EFCAB6: variants seen among roughly 807,000 people sequenced by gnomAD.
The protein encoded by EFCAB6 is EF-hand calcium binding domain 6.
Under a neutral mutation model 169.8 loss-of-function variants are expected in EFCAB6, and 156 were observed. The observed-to-expected ratio is 0.92, with a 90% CI of 0.81 to 1.05. The LOEUF (loss-of-function observed/expected upper bound fraction) is 1.05. Among genes scored for constraint, EFCAB6 ranks in the 50% least tolerant of loss-of-function variants. The pLI, the probability that EFCAB6 is intolerant of heterozygous loss-of-function variation, is 0.00. For synonymous variants in EFCAB6, 698 were observed against 676.4 expected (o/e 1.03, Z -0.50); for missense variants, 1,800 against 1,829.1 (o/e 0.98, Z 0.29).
At chr22:43,571,706 C>T (rs1569177088) in intron 26 of EFCAB6, among the ~76,000 whole-genome samples, 1 of 152,198 alleles carries the variant, frequency 6.6e-6, no homozygotes, top group Non-Finnish European at 1.5e-5. Flanking sequence ...CCCAAGTGGT[C>T]TGTCTCTGCC....
chr22:43,671,677 C>T (rs1430515881), intron 15 of EFCAB6, among the ~76,000 whole-genome samples: 1 of 152,156 alleles, frequency 6.6e-6, no homozygotes, highest in African/African-American at 2.4e-5. Context: ...GAACTCAGGC[C>T]TCACAACTCA....
Position 43,667,155 on chromosome 22 carries a change from A to G in EFCAB6, c.1932T>C (p.Leu644=), listed in dbSNP as rs752436128. The change falls in exon 17 of 32, where the codon CTT becomes CTC. Residue 644 remains leucine, a synonymous_variant. Transcript: ENST00000262726. The part of the protein sequence containing the change: ...QQDPAFKKRF[L]DFSKEPNGKI... Reference sequence around the variant, plus strand: ...TTCCATTAGGCTCCTTGCTGAAGTCAAGAAATCGTTTTTTGAATGCCGGGT... The same window carrying G: ...TTCCATTAGGCTCCTTGCTGAAGTCGAGAAATCGTTTTTTGAATGCCGGGT... 12 of 1,614,114 alleles carry G rather than the reference A, an allele frequency of 7.4e-6. No individual in the cohort carries two copies. The East Asian group carries it at 2.7e-4, about 36-fold the overall frequency.
At chr22:43,625,532 T>C (rs1480236706) in intron 20 of EFCAB6, among the ~76,000 whole-genome samples, 1 of 152,162 alleles carries the variant, frequency 6.6e-6, no homozygotes, top group Non-Finnish European at 1.5e-5. Flanking sequence ...GGTAGCCCCA[T>C]TGTGCCTTCA....
intron 4 of EFCAB6, among the ~76,000 whole-genome samples, chr22:43,768,689 C>T (rs2061387472): frequency 6.6e-6 from 1 of 152,186 alleles, no homozygotes; most frequent in African/African-American, 2.4e-5. Flanking sequence ...CTTTGAAGTT[C>T]TACAGTTCTC....
chr22:43,735,488 G>A (rs1306409647), intron 7 of EFCAB6, among the ~76,000 whole-genome samples: 7 of 150,014 alleles, frequency 4.7e-5, no homozygotes, highest in Non-Finnish European at 7.4e-5. Flanking sequence ...CTAACCCCAG[G>A]CTTTGAGTAA....
At chr22:43,803,139 G>C (rs564050193) in intron 2 of EFCAB6, among the ~76,000 whole-genome samples, 1 of 151,980 alleles carries the variant, frequency 6.6e-6, no homozygotes, top group Non-Finnish European at 1.5e-5. Flanking sequence ...CCCTTAAACC[G>C]AGATACCTGT....
intron 7 of EFCAB6, among the ~76,000 whole-genome samples, chr22:43,733,670 G>A (rs1183959002): frequency 6.6e-6 from 1 of 152,148 alleles, no homozygotes; most frequent in Non-Finnish European, 1.5e-5. Context: ...TTTACATTTT[G>A]TTGAGTCTTC....
At chr22:43,674,673 G>C (rs914098952) in intron 13 of EFCAB6, among the ~76,000 whole-genome samples, 1 of 152,184 alleles carries the variant, frequency 6.6e-6, no homozygotes, top group African/African-American at 2.4e-5. Context: ...TTGCTTACGT[G>C]TCTACGTTTT....
chr22:43,611,071 T>C (rs1252235824), intron 21 of EFCAB6, among the ~76,000 whole-genome samples: 1 of 152,144 alleles, frequency 6.6e-6, no homozygotes. Context: ...GAGACCAGTA[T>C]TGCCCTAATA....
chr22:43,579,627 CAAGCATCATTCCATACATAT>C (rs1327340339), intron 25 of EFCAB6, among the ~76,000 whole-genome samples: 4 of 150,610 alleles, frequency 2.7e-5, no homozygotes, highest in African/African-American at 9.8e-5. Context: ...TCCCTACATG[CAAGCATCATTCCATACATAT>C]AGGCATCATT....
At chr22:43,569,436 C>T (rs1004358258) in intron 26 of EFCAB6, among the ~76,000 whole-genome samples, 3 of 152,324 alleles carry the variant, frequency 2.0e-5, no homozygotes, top group Admixed American at 6.5e-5. Flanking sequence ...CACAGATGCT[C>T]TACAGGAAGC....
chr22:43,632,051 G>A (rs2054985559), intron 19 of EFCAB6, 54 bp downstream of exon 19: 1 of 1,597,010 alleles, frequency 6.3e-7, no homozygotes, highest in Non-Finnish European at 8.5e-7. Context: ...TGGGCTGCGT[G>A]GTTGGGAGCA....
At chr22:43,587,994 T>C (rs536705495) in intron 24 of EFCAB6, among the ~76,000 whole-genome samples, 1 of 152,376 alleles carries the variant, frequency 6.6e-6, no homozygotes, top group Non-Finnish European at 1.5e-5. Context: ...ATAACTCAAA[T>C]ATTACATGAG....
At chr22:43,778,770 T>G (rs2061717431) in intron 3 of EFCAB6, among the ~76,000 whole-genome samples, 1 of 152,222 alleles carries the variant, frequency 6.6e-6, no homozygotes, top group African/African-American at 2.4e-5. Flanking sequence ...ACAGCTTACC[T>G]GAGAGATTAA....
intron 4 of EFCAB6, among the ~76,000 whole-genome samples, chr22:43,770,147 G>A (rs1380787114): frequency 3.9e-5 from 6 of 152,144 alleles, no homozygotes; most frequent in Admixed American, 3.3e-4. Flanking sequence ...ATGAGCCACC[G>A]TACCCAGCCA....
chr22:43,736,040 G>C, intron 6 of EFCAB6, 47 bp from the exon 7 acceptor site: 4 of 1,496,014 alleles, frequency 2.7e-6, no homozygotes, highest in Non-Finnish European at 3.6e-6. Context: ...TCTAGTGTTA[G>C]GAACCAAATG....
At chr22:43,562,508 G>C (rs987841766) in intron 26 of EFCAB6, among the ~76,000 whole-genome samples, 5 of 151,774 alleles carry the variant, frequency 3.3e-5, no homozygotes, top group African/African-American at 9.7e-5. Flanking sequence ...TTCTGGGTTG[G>C]GGGTGGGAGG....
At chr22:43,740,099 C>T (rs1294437483) in intron 6 of EFCAB6, among the ~76,000 whole-genome samples, 1 of 152,162 alleles carries the variant, frequency 6.6e-6, no homozygotes, top group Non-Finnish European at 1.5e-5. Context: ...GCGCTTGCTG[C>T]TCCTTCTGCC....
chr22:43,804,844 T>C lies in EFCAB6; in HGVS notation c.-8+4151A>G, dbSNP rs530798965. On this transcript the variant is annotated intron_variant, in intron 2 of 31. Coordinates refer to ENST00000262726, the MANE Select transcript of EFCAB6 (RefSeq NM_022785.4). ...AGAGAATCAATGAAACATGATTTGG[T>C]TTTTTGAAAAGATAAAGTCAACAAA... 1.0e-3 allele frequency among the ~76,000 whole-genome samples: 154 copies of C among 151,496 alleles called. 1 individual carries two copies. Among genetic ancestry groups the C allele is most frequent in the African/African-American group, 3.6e-3 (148 of 41,368 alleles).
Sources: allele counts gnomAD v4.1 joint callset (sites outside exome capture counted in the v4.1 genomes callset), GRCh38; gene constraint gnomAD v4.1.1; transcripts MANE v1.5; gene names NCBI Gene and HGNC (gene_info 2026-07-23, HGNC 2026-07-21).